The following USP53 variants were observed in gnomAD, a reference collection of about 807,000 sequenced individuals.
USP53 encodes the protein ubiquitin carboxyl-terminal hydrolase 53.
In USP53, 71 loss-of-function variants were observed where a neutral mutation model predicts 94.9. The ratio of observed to expected loss-of-function variants is 0.75; its 90% CI spans 0.62 to 0.91. USP53 has a LOEUF of 0.91. Ranked by LOEUF, USP53 falls within the 40% of genes least tolerant of loss-of-function variation. The pLI is 0.00. For missense variants in USP53, 1,173 were observed against 1,281.0 expected (o/e 0.92, Z 1.29); for synonymous variants, 375 against 422.7 (o/e 0.89, Z 1.39).
intron 7 of USP53, among the ~76,000 whole-genome samples, chr4:119,253,923 A>C (rs1749390942): frequency 6.6e-6 from 1 of 152,064 alleles, no homozygotes; most frequent in Non-Finnish European, 1.5e-5. Flanking sequence ...GTGGTGACAA[A>C]GTATCTCAGC....
rs1472919018 is a variant in USP53 at position 119,271,638 on chromosome 4, T to C, written c.1778T>C (p.Val593Ala). ...GWKPMRETLN[V>A]DSIFSESEKR... ...AAACCTATGAGAGAAACATTAAATG[T>C]TGATAGTATTTTTAGTGAAAGTGAA... is the stretch of plus-strand genomic sequence containing the variant. The change falls in exon 16 of 19, where the codon GTT (valine) becomes GCT (alanine). Residue 593 changes from valine (V) to alanine (A), a missense_variant. Physicochemically the swap from Val to Ala is moderately conservative, Grantham distance 64. Coordinates refer to ENST00000692078, the MANE Select transcript of USP53 (RefSeq NM_001371395.1). 6.2e-7 allele frequency: 1 copy of C among 1,613,848 alleles called. No homozygotes were observed. Among genetic ancestry groups the C allele is most frequent in the South Asian group, 1.1e-5 (1 of 91,044 alleles).
intron 7 of USP53, among the ~76,000 whole-genome samples, chr4:119,251,520 G>A (rs558977778): frequency 6.6e-5 from 10 of 152,196 alleles, no homozygotes; most frequent in East Asian, 5.8e-4. Flanking sequence ...CACTCCCATC[G>A]ACAGTGTAAA....
In USP53 at chr4:119,292,557, T is replaced by A; in HGVS notation, c.2568T>A (p.Ser856Arg). ...CTGCTTCTGGGAAGAGAGTGAACAG[T>A]AATGAACCATCTTCATTATGGTCTT... ...DNSASGKRVN[S>R]NEPSSLWSSH... Residue 856 changes from serine to arginine, a missense_variant, in exon 19 of 19, where the codon AGT becomes AGA. Ser to Arg is a moderately radical substitution (Grantham distance 110). Coordinates refer to ENST00000692078, the MANE Select transcript of USP53 (RefSeq NM_001371395.1). 1 of 1,614,056 alleles carries A rather than the reference T, an allele frequency of 6.2e-7. No homozygotes were observed. Among genetic ancestry groups the A allele is most frequent in the Non-Finnish European group, 8.5e-7 (1 of 1,179,942 alleles).
At chr4:119,269,654 AT>A (rs1389283313) in intron 14 of USP53, 36 bp from the exon 15 acceptor site, 25 of 1,302,678 alleles carry the variant, frequency 1.9e-5, no homozygotes, top group Non-Finnish European at 2.5e-5. Context: ...AATTTGAAAA[AT>A]GATCTGTATC....
intron 14 of USP53, among the ~76,000 whole-genome samples, chr4:119,268,683 A>C (rs1751483925): frequency 6.6e-6 from 1 of 152,214 alleles, no homozygotes; most frequent in African/African-American, 2.4e-5. Context: ...ATAAAGCAAT[A>C]ATGTGGCATT....
At chr4:119,233,174 C>CT (rs11341773) in intron 3 of USP53, among the ~76,000 whole-genome samples, 3,208 of 142,406 alleles carry the variant, frequency 0.023, 111 homozygotes, top group African/African-American at 0.076. Flanking sequence ...TTCTCTCTCT[C>CT]TTTTTTTTTT....
rs201030853 is a variant in USP53 at position 119,213,647 on chromosome 4, T to TTAGAG, written c.-941-423_-941-422insTAGAG. ...GTTTCCTTATCTGGAAATAGATATA[T>TTAGAG]ATATATATATATATGTGTGTGTGTG... is the stretch of plus-strand genomic sequence containing the variant. On this transcript the variant is annotated intron_variant, in intron 1 of 18. Coordinates refer to ENST00000692078, the MANE Select transcript of USP53 (RefSeq NM_001371395.1). Among the ~76,000 whole-genome samples, 11 of 123,084 alleles carry TTAGAG rather than the reference T, an allele frequency of 8.9e-5. No individual in the cohort carries two copies. In the South Asian group the frequency reaches 1.1e-3, roughly 12 times the overall value. The allele number at this position is 123,084 out of a possible 152,430, so 80.7% of individuals were successfully genotyped here. A position where few individuals can be genotyped will look rare whatever the true frequency, so the allele number is the denominator to read the frequency against.
chr4:119,250,407 T>C (rs1384076717), intron 7 of USP53, among the ~76,000 whole-genome samples: 2 of 152,240 alleles, frequency 1.3e-5, no homozygotes, highest in African/African-American at 4.8e-5. Flanking sequence ...AGCATCTTCA[T>C]GGTTTCCTTA....
chr4:119,229,066 C>A (rs927300442), intron 3 of USP53, among the ~76,000 whole-genome samples: 15 of 152,214 alleles, frequency 9.9e-5, no homozygotes, highest in African/African-American at 3.1e-4. Context: ...AGGTATTCAG[C>A]CTGGGGATTA....
chr4:119,261,844 G>C lies in USP53; in HGVS notation c.952G>C (p.Asp318His), dbSNP rs377215480. The change falls in exon 12 of 19, where the codon GAT becomes CAT. Residue 318 changes from aspartate (D) to histidine (H), a missense_variant. Transcript: ENST00000692078. ...HTKSSKWVFFDDANVKEIGTR... is the reference protein window; with the variant it reads ...HTKSSKWVFFHDANVKEIGTR... ...CAAAAGTTCCAAATGGGTATTTTTT[G>C]ATGATGCAAATGTGAAAGAGGTAAG... 8 of 1,482,702 alleles carry C rather than the reference G, an allele frequency of 5.4e-6. No homozygotes were observed. The African/African-American group carries it at 1.1e-4, about 20-fold the overall frequency. 91.8% of individuals were successfully genotyped at this position (1,482,702 alleles called of 1,614,324 possible).
In USP53 at chr4:119,267,471, C is replaced by A. The variant is rs1320546139; in HGVS notation, c.1124C>A (p.Ala375Glu). 6.2e-7 allele frequency: 1 copy of A among 1,605,702 alleles called. No homozygotes were observed. Among genetic ancestry groups the A allele is most frequent in the Non-Finnish European group, 8.5e-7 (1 of 1,177,864 alleles). ...AGCTGGTCACATTACAAATCTGTTG[C>A]AGAAAATATGGGTAATTCTTTCTTT... ...VISWSHYKSV[A>E]ENMGCEKPVI... The change falls in exon 13 of 19, where the codon GCA (alanine) becomes GAA (glutamate). Residue 375 changes from alanine (A) to glutamate (E), a missense_variant. Physicochemically the swap from Ala to Glu is moderately radical, Grantham distance 107 (BLOSUM62 -1). Coordinates refer to ENST00000692078, the MANE Select transcript of USP53 (RefSeq NM_001371395.1).
intron 7 of USP53, among the ~76,000 whole-genome samples, chr4:119,255,180 G>A (rs62328378): frequency 2.0e-5 from 3 of 152,210 alleles, no homozygotes; most frequent in Non-Finnish European, 4.4e-5. Flanking sequence ...CTACACAGGG[G>A]TCAGGAATCC....
chr4:119,283,109 A>G (rs1442664008), intron 17 of USP53, among the ~76,000 whole-genome samples: 1 of 151,960 alleles, frequency 6.6e-6, no homozygotes, highest in Admixed American at 6.6e-5. Context: ...ATTCATCCCT[A>G]CACTGCCTAA....
intron 3 of USP53, among the ~76,000 whole-genome samples, chr4:119,230,988 C>A (rs201702723): frequency 7.9e-5 from 12 of 152,128 alleles, no homozygotes; most frequent in East Asian, 7.7e-4. Flanking sequence ...ACAGCCCATG[C>A]AGGCTGTGTG....
chr4:119,271,049 A>T (rs1164467473), intron 15 of USP53, among the ~76,000 whole-genome samples: 3 of 152,150 alleles, frequency 2.0e-5, no homozygotes, highest in African/African-American at 7.2e-5. Context: ...TTATTTTTTT[A>T]AAAACTGCCT....
At chr4:119,253,944 C>G (rs1364429200) in intron 7 of USP53, among the ~76,000 whole-genome samples, 8 of 152,162 alleles carry the variant, frequency 5.3e-5, no homozygotes, top group African/African-American at 1.9e-4. Context: ...ATTTGCTTGT[C>G]TGTAAAGGAT....
chr4:119,269,563 A>G, intron 14 of USP53, 128 bp from the exon 15 acceptor site: 1 of 556,222 alleles, frequency 1.8e-6, no homozygotes, highest in African/African-American at 2.0e-5. Flanking sequence ...ATACCATTGT[A>G]TACTATATAT....
At chr4:119,218,954 T>C (rs1446726502) in intron 3 of USP53, 1 of 152,096 alleles carries the variant, frequency 6.6e-6, no homozygotes, top group Non-Finnish European at 1.5e-5. Context: ...GAAGTTTTAC[T>C]TTACAGTTTG....
At chr4:119,216,379 TA>T (rs34476597) in intron 2 of USP53, among the ~76,000 whole-genome samples, 104,725 of 146,712 alleles carry the variant, frequency 0.71, 37,290 homozygotes, top group African/African-American at 0.81. Context: ...AGACTCTGTC[TA>T]AAAAAAAAAA....
Sources: allele counts gnomAD v4.1 joint callset (sites outside exome capture counted in the v4.1 genomes callset), GRCh38; gene constraint gnomAD v4.1.1; transcripts MANE v1.5; gene names NCBI Gene and HGNC (gene_info 2026-07-23, HGNC 2026-07-21).